The following CACNA1C variants were observed in gnomAD, a reference collection of about 807,000 sequenced individuals.
CACNA1C encodes calcium voltage-gated channel subunit alpha1 C.
Under a neutral mutation model 229.0 loss-of-function variants are expected in CACNA1C, and 30 were observed. That is an observed-to-expected ratio of 0.13 (90% CI 0.10 to 0.18). CACNA1C has a LOEUF of 0.18. Among genes scored for constraint, CACNA1C ranks in the 10% least tolerant of loss-of-function variants. CACNA1C has a pLI of 1.00. For missense variants in CACNA1C, 1,658 were observed against 2,845.0 expected (o/e 0.58, Z 9.49); for synonymous variants, 1,114 against 1,132.5 (o/e 0.98, Z 0.33).
intron 1 of CACNA1C, chr12:1,990,986 A>G (rs1220179664): frequency 1.7e-5 from 4 of 240,664 alleles, no homozygotes; most frequent in African/African-American, 4.8e-5. Flanking sequence ...AGAAAGGACA[A>G]AAAAAAAAAA....
intron 3 of CACNA1C, among the ~76,000 whole-genome samples, chr12:2,286,152 G>A (rs2092641269): frequency 6.6e-6 from 1 of 152,232 alleles, no homozygotes; most frequent in South Asian, 2.1e-4. Flanking sequence ...TACCTGGCCG[G>A]TTCTGTTTTC....
chr12:2,263,694 G>C (rs369789301), intron 3 of CACNA1C, among the ~76,000 whole-genome samples: 2 of 151,954 alleles, frequency 1.3e-5, no homozygotes, highest in Admixed American at 6.6e-5. Context: ...CTAACAGACC[G>C]GACATGAGGT....
intron 30 of CACNA1C, chr12:2,641,676 A>G: frequency 1.4e-6 from 1 of 701,686 alleles, no homozygotes; most frequent in Non-Finnish European, 2.6e-6. Flanking sequence ...GTAGCAACTC[A>G]GTGAGCTGCC....
chr12:2,315,875 A>G (rs1159875336), intron 3 of CACNA1C, among the ~76,000 whole-genome samples: 3 of 152,252 alleles, frequency 2.0e-5, no homozygotes, highest in African/African-American at 4.8e-5. Context: ...TGCCCTAAGA[A>G]TAATGGCTTT....
chr12:2,436,626 G>T (rs185174210), intron 3 of CACNA1C, among the ~76,000 whole-genome samples: 3 of 152,156 alleles, frequency 2.0e-5, no homozygotes, highest in Admixed American at 2.0e-4. Flanking sequence ...GTGTCTGCAC[G>T]CTACTGCCTT....
rs367794620 is a variant in CACNA1C, at chr12:2,503,861, C to G, written c.1114-981C>G. Among the ~76,000 whole-genome samples, 89 of 152,354 alleles carry G rather than the reference C, an allele frequency of 5.8e-4. No individual in the cohort carries two copies. The South Asian group carries it at 0.017, about 29-fold the overall frequency. On this transcript the variant is annotated intron_variant, in intron 7 of 46. Coordinates refer to ENST00000399655, the MANE Select transcript of CACNA1C (RefSeq NM_000719.7). The stretch of plus-strand genomic sequence containing the variant: ...AATACATAAACCAAAATGATTGCCT[C>G]TCCCAGCCGGTGGCCCGCAGTACGT...
chr12:2,211,058 T>C (rs1479118007), intron 3 of CACNA1C, among the ~76,000 whole-genome samples: 2 of 152,238 alleles, frequency 1.3e-5, no homozygotes, highest in African/African-American at 4.8e-5. Flanking sequence ...CTCTAGTTAG[T>C]GTCAGGACTG....
chr12:2,658,128 C>T (rs988343284), intron 34 of CACNA1C, among the ~76,000 whole-genome samples: 1 of 152,108 alleles, frequency 6.6e-6, no homozygotes, highest in African/African-American at 2.4e-5. Flanking sequence ...TCGAGTTATA[C>T]TCAGTAAATG....
At chr12:2,561,606 A>T (rs991080072) in intron 11 of CACNA1C, among the ~76,000 whole-genome samples, 1 of 152,242 alleles carries the variant, frequency 6.6e-6, no homozygotes, top group Admixed American at 6.5e-5. Flanking sequence ...GACAGACAGG[A>T]TGAAGCAACG....
chr12:1,989,404 AAAAGGG>A (rs779913681), intron 1 of CACNA1C, among the ~76,000 whole-genome samples: 89 of 151,980 alleles, frequency 5.9e-4, no homozygotes, highest in Non-Finnish European at 1.0e-3. Flanking sequence ...AAGAGGAAAG[AAAAGGG>A]AAAGGGAAAG....
chr12:2,395,374 A>G (rs1244949604), intron 3 of CACNA1C, among the ~76,000 whole-genome samples: 3 of 152,134 alleles, frequency 2.0e-5, no homozygotes, highest in Non-Finnish European at 2.9e-5. Flanking sequence ...GTGCACCACC[A>G]TGCTCAGCTA....
intron 3 of CACNA1C, among the ~76,000 whole-genome samples, chr12:2,379,105 C>G (rs1353172617): frequency 6.6e-6 from 1 of 152,040 alleles, no homozygotes; most frequent in Non-Finnish European, 1.5e-5. Flanking sequence ...TTTTTTAAAC[C>G]AAGTCCTAAA....
At chr12:2,426,182 C>T (rs550541510) in intron 3 of CACNA1C, among the ~76,000 whole-genome samples, 3 of 152,290 alleles carry the variant, frequency 2.0e-5, no homozygotes, top group South Asian at 2.1e-4. Context: ...GCAGTACATA[C>T]GCCCACCCTG....
chr12:2,688,739 G>C lies in CACNA1C; in HGVS notation c.6077G>C (p.Gly2026Ala). 6.3e-7 allele frequency: 1 copy of C among 1,592,358 alleles called. No individual in the cohort carries two copies. The highest frequency in any genetic ancestry group is 8.6e-7 in the Non-Finnish European group (1 of 1,168,790). Residue 2026 changes from glycine (G) to alanine (A), a missense_variant, in exon 46 of 47, where the codon GGG (glycine) becomes GCG (alanine). This residue lies in a region of CACNA1C where 590 missense variants were observed against 700.8 expected (regional missense o/e 0.84). Coordinates refer to ENST00000399655, the MANE Select transcript of CACNA1C (RefSeq NM_000719.7). ...GTGCCCAGCCAGGCTGGGGCCCCAGGGAGGCAGTTCCACGGCAGTGCCAGC... is the reference window on the plus strand; with the variant it reads ...GTGCCCAGCCAGGCTGGGGCCCCAGCGAGGCAGTTCCACGGCAGTGCCAGC... Reference protein sequence around the residue: ...LMVPSQAGAPGRQFHGSASSL... With the variant: ...LMVPSQAGAPARQFHGSASSL...
At chr12:2,148,808 G>C (rs2094960577) in intron 3 of CACNA1C, among the ~76,000 whole-genome samples, 1 of 141,014 alleles carries the variant, frequency 7.1e-6, no homozygotes, top group Admixed American at 7.4e-5. Context: ...GACCTCCAAA[G>C]TACCCTCCCT....
intron 3 of CACNA1C, among the ~76,000 whole-genome samples, chr12:2,447,483 T>C (rs949141045): frequency 1.3e-5 from 2 of 152,202 alleles, no homozygotes; most frequent in African/African-American, 4.8e-5. Flanking sequence ...ACGATGCACA[T>C]TTCCAAGCTT....
chr12:2,226,730 G>T lies in CACNA1C; in HGVS notation c.477+106300G>T, dbSNP rs149130872. Among the ~76,000 whole-genome samples, 433 of 152,322 alleles carry T rather than the reference G, an allele frequency of 2.8e-3. 1 individual carries two copies. Among genetic ancestry groups the T allele is most frequent in the African/African-American group, 9.4e-3 (389 of 41,578 alleles). On this transcript the variant is annotated intron_variant, in intron 3 of 46. Coordinates refer to ENST00000399655, the MANE Select transcript of CACNA1C (RefSeq NM_000719.7). ...CTTCACTGCACTTGGGTCTTAAACAGCTACAAAATACACCGAGTTTGACTC... is the reference window on the plus strand; with the variant it reads ...CTTCACTGCACTTGGGTCTTAAACATCTACAAAATACACCGAGTTTGACTC...
intron 10 of CACNA1C, among the ~76,000 whole-genome samples, chr12:2,556,173 T>G (rs1303834487): frequency 6.6e-6 from 1 of 152,010 alleles, no homozygotes; most frequent in Non-Finnish European, 1.5e-5. Flanking sequence ...CCTCCACACT[T>G]CTCTTTTACA....
rs753441896 is a variant in CACNA1C at position 2,488,216 on chromosome 12, A to C, written c.916+1954A>C. Among the ~76,000 whole-genome samples, 17 of 152,358 alleles carry C rather than the reference A, an allele frequency of 1.1e-4. No individual in the cohort carries two copies. The highest frequency in any genetic ancestry group is 2.5e-4 in the Non-Finnish European group (17 of 68,034). On this transcript the variant is annotated intron_variant, in intron 6 of 46. Coordinates refer to ENST00000399655, the MANE Select transcript of CACNA1C (RefSeq NM_000719.7). The surrounding 1 kb of genome is among the most constrained non-coding windows in gnomAD (Gnocchi z 4.0). ...ATCATCCTAACGAGAAAGCAGTCCA[A>C]GAGTGTTTTCTGCCGGTGGTGGGCT...
Sources: allele counts gnomAD v4.1 joint callset (sites outside exome capture counted in the v4.1 genomes callset), GRCh38; gene constraint gnomAD v4.1.1; regional missense constraint gnomAD v4.1.1; non-coding constraint Gnocchi (gnomAD v3.1); transcripts MANE v1.5; gene names NCBI Gene and HGNC (gene_info 2026-07-23, HGNC 2026-07-21).